The following KIF16B variants were observed in gnomAD, a reference collection of about 807,000 sequenced individuals.
The protein encoded by KIF16B is kinesin-like protein KIF16B.
Under a neutral mutation model 156.3 loss-of-function variants are expected in KIF16B, and 98 were observed. The observed-to-expected ratio is 0.63, with a 90% CI of 0.53 to 0.74. The LOEUF (loss-of-function observed/expected upper bound fraction) is 0.74. Ranked by LOEUF, KIF16B falls within the 30% of genes least tolerant of loss-of-function variation. The pLI, the probability that KIF16B is intolerant of heterozygous loss-of-function variation, is 0.00. For missense variants in KIF16B, 1,421 were observed against 1,606.5 expected, an observed-to-expected ratio of 0.88 and a Z score of 1.97; for synonymous variants, 564 against 583.7, an observed-to-expected ratio of 0.97 and a Z score of 0.49.
intron 24 of KIF16B, among the ~76,000 whole-genome samples, chr20:16,315,442 G>GGGATAAA (rs990021528): frequency 1.3e-5 from 2 of 152,246 alleles, no homozygotes; most frequent in Admixed American, 1.3e-4. Flanking sequence ...CAGGCCTCTC[G>GGGATAAA]GGATAAAGCT....
At chr20:16,519,871 G>T (rs114950328) in intron 3 of KIF16B, among the ~76,000 whole-genome samples, 228 of 152,338 alleles carry the variant, frequency 1.5e-3, no homozygotes, top group African/African-American at 5.3e-3. Context: ...CACAGAGGGT[G>T]AGCAGATGCA....
intron 25 of KIF16B, among the ~76,000 whole-genome samples, chr20:16,287,762 T>G (rs1187608955): frequency 6.6e-6 from 1 of 152,184 alleles, no homozygotes; most frequent in African/African-American, 2.4e-5. Context: ...ACCTCACAAA[T>G]AGACAATCCA....
intron 22 of KIF16B, among the ~76,000 whole-genome samples, chr20:16,359,946 A>C (rs1420377743): frequency 2.0e-5 from 3 of 152,248 alleles, no homozygotes; most frequent in Non-Finnish European, 4.4e-5. Flanking sequence ...AAATACTGCC[A>C]GAGTCCCCAC....
chr20:16,300,752 C>A (rs1165511954), intron 25 of KIF16B, among the ~76,000 whole-genome samples: 1 of 151,976 alleles, frequency 6.6e-6, no homozygotes, highest in Non-Finnish European at 1.5e-5. Context: ...CACTTTACCC[C>A]CCAAATATGC....
At chr20:16,348,551 C>T (rs780950413) in intron 23 of KIF16B, among the ~76,000 whole-genome samples, 19 of 152,264 alleles carry the variant, frequency 1.2e-4, no homozygotes, top group Admixed American at 1.3e-4. Context: ...CAGTCAAGAA[C>T]GAAGGGCAGT....
intron 25 of KIF16B, among the ~76,000 whole-genome samples, chr20:16,311,248 A>G (rs142393970): frequency 6.6e-6 from 1 of 152,326 alleles, no homozygotes; most frequent in Non-Finnish European, 1.5e-5. Flanking sequence ...TAGCACATTG[A>G]GAGATGGAGG....
intron 12 of KIF16B, among the ~76,000 whole-genome samples, chr20:16,479,997 G>GGAT (rs2067933871): frequency 6.6e-6 from 1 of 152,152 alleles, no homozygotes; most frequent in Non-Finnish European, 1.5e-5. Flanking sequence ...GGGAGGAGGA[G>GGAT]TACTGCCAGA....
chr20:16,444,369 G>A (rs1426098005), intron 12 of KIF16B, among the ~76,000 whole-genome samples: 1 of 149,602 alleles, frequency 6.7e-6, no homozygotes, highest in Non-Finnish European at 1.5e-5. Flanking sequence ...ATTTTCAGAT[G>A]GTCCAAAAAA....
rs114721403 is a variant in KIF16B, at chr20:16,449,960, C to T, written c.1303-19978G>A. Among the ~76,000 whole-genome samples the T allele has an allele frequency of 7.2e-3, 1,095 of 151,894 alleles. 19 individuals carry two copies. Among genetic ancestry groups the T allele is most frequent in the African/African-American group, 0.025 (1,052 of 41,402 alleles). ...AACAGCAGAAATACTAGAAGAAAAT[C>T]GAAAGAATTAAGAGGAAAAAGAAAA... On this transcript the variant is annotated intron_variant, in intron 12 of 25. Coordinates refer to ENST00000354981, the MANE Select transcript of KIF16B (RefSeq NM_024704.5).
At chr20:16,425,877 C>G (rs941270586) in intron 15 of KIF16B, among the ~76,000 whole-genome samples, 2 of 152,176 alleles carry the variant, frequency 1.3e-5, no homozygotes, top group Non-Finnish European at 2.9e-5. Context: ...TTGACTCCCA[C>G]TTCCACAGGC....
At chr20:16,372,393 G>T (rs947854517) in intron 20 of KIF16B, among the ~76,000 whole-genome samples, 2 of 152,108 alleles carry the variant, frequency 1.3e-5, no homozygotes, top group African/African-American at 4.8e-5. Flanking sequence ...CCTAGGACAG[G>T]CCCAAAACAG....
At chr20:16,551,809 CCAAA>C (rs772002126) in intron 1 of KIF16B, among the ~76,000 whole-genome samples, 5 of 152,220 alleles carry the variant, frequency 3.3e-5, no homozygotes, top group Admixed American at 6.5e-5. Flanking sequence ...GCTCAGCTGA[CCAAA>C]CAGTCTGTGC....
chr20:16,478,718 A>G lies in KIF16B; in HGVS notation c.1302+15573T>C, dbSNP rs1022741851. ...TTAATTGTTCATGGCCCCAAAGCAC[A>G]AGAGTAATGATGCAGGTATATTGTT... On this transcript the variant is annotated intron_variant, in intron 12 of 25. Transcript: ENST00000354981. 4.6e-5 allele frequency among the ~76,000 whole-genome samples: 7 copies of G among 152,304 alleles called. No homozygotes were observed. In the East Asian group the frequency reaches 1.3e-3, roughly 29 times the overall value.
intron 1 of KIF16B, among the ~76,000 whole-genome samples, chr20:16,563,656 TAC>T (rs1375286313): frequency 6.6e-6 from 1 of 152,060 alleles, no homozygotes; most frequent in Non-Finnish European, 1.5e-5. Flanking sequence ...AAGAAACACA[TAC>T]ACACTCGATC....
chr20:16,481,014 A>G (rs1483835198), intron 12 of KIF16B, among the ~76,000 whole-genome samples: 1 of 152,194 alleles, frequency 6.6e-6, no homozygotes, highest in Non-Finnish European at 1.5e-5. Context: ...ATGTGTTTGA[A>G]GGGATGATCT....
In KIF16B at chr20:16,427,248, T is replaced by C; in HGVS notation, c.1475-7A>G. ...AAGTCAAGGCCATGAAGAACTAAAG[T>C]GGAAAAACAAAGTAGAAAGAATTTT... On this transcript the variant is annotated splice_polypyrimidine_tract_variant and splice_region_variant and intron_variant, in intron 14 of 25. Coordinates refer to ENST00000354981, the MANE Select transcript of KIF16B (RefSeq NM_024704.5). The C allele has an allele frequency of 6.2e-7, 1 of 1,601,492 alleles. No homozygotes were observed.
chr20:16,276,490 A>G (rs965504357), intron 25 of KIF16B, among the ~76,000 whole-genome samples: 3 of 152,200 alleles, frequency 2.0e-5, no homozygotes, highest in Non-Finnish European at 4.4e-5. Context: ...CGCAAAACAA[A>G]TTTCTGCTTA....
chr20:16,411,203 T>A (rs1489465905), intron 15 of KIF16B, among the ~76,000 whole-genome samples: 1 of 152,142 alleles, frequency 6.6e-6, no homozygotes, highest in African/African-American at 2.4e-5. Flanking sequence ...GTTTTCATGA[T>A]CAGCTTCCCA....
At chr20:16,533,864 G>A (rs945990613) in intron 1 of KIF16B, among the ~76,000 whole-genome samples, 3 of 152,056 alleles carry the variant, frequency 2.0e-5, no homozygotes, top group Non-Finnish European at 4.4e-5. Context: ...CATTAAGATC[G>A]AGGCCATCTA....
Sources: allele counts gnomAD v4.1 joint callset (sites outside exome capture counted in the v4.1 genomes callset), GRCh38; gene constraint gnomAD v4.1.1; transcripts MANE v1.5; gene names NCBI Gene and HGNC (gene_info 2026-07-23, HGNC 2026-07-21).